IGDCC4: variants seen among roughly 807,000 people sequenced by gnomAD.
IGDCC4 encodes immunoglobulin superfamily DCC subclass member 4, also known as likely ortholog of mouse neighbor of Punc E11.
A neutral mutation model predicts 116.6 loss-of-function variants in IGDCC4; 72 were observed. That is an observed-to-expected ratio of 0.62 (90% CI 0.51 to 0.75). The LOEUF is 0.75. Ranked by LOEUF, IGDCC4 falls within the 30% of genes least tolerant of loss-of-function variation. The probability of loss-of-function intolerance (pLI) is 0.00; values close to 1 mark genes in which losing one functional copy is unlikely to be tolerated. For missense variants in IGDCC4, 1,501 were observed against 1,662.4 expected (o/e 0.90, Z 1.69); for synonymous variants, 709 against 719.9 (o/e 0.98, Z 0.24).
Position 65,395,955 on chromosome 15 carries a change from G to A in IGDCC4, c.1206C>T (p.Tyr402=). 1.3e-6 allele frequency: 2 copies of A among 1,586,278 alleles called. No homozygotes were observed. The highest frequency in any genetic ancestry group is 1.1e-5 in the South Asian group (1 of 88,578). ...CGCTGTTCTCAGCCACGCACTGGTA[G>A]TAGCCGGCGTCCTGCAGGCCGATCT... ...ITQIGLQDAG[Y]YQCVAENSAG... The change falls in exon 7 of 20, where the codon TAC becomes TAT. Residue 402 remains tyrosine, a synonymous_variant. Coordinates refer to ENST00000352385, the MANE Select transcript of IGDCC4 (RefSeq NM_020962.3).
chr15:65,402,218 G>A (rs766790714), intron 4 of IGDCC4, 133 bp downstream of exon 4: 5 of 1,071,008 alleles, frequency 4.7e-6, no homozygotes, highest in African/African-American at 3.2e-5. Flanking sequence ...GGGCTTCATC[G>A]CCTCACCAGT....
Position 65,401,739 on chromosome 15 carries a change from G to A in IGDCC4, c.700+612C>T, listed in dbSNP as rs368823753. ...TCCATTCTTATCTCAAGGACTCTTC[G>A]AGCCTCTCTGAGCTGGGCATTTGAT... On this transcript the variant is annotated intron_variant, in intron 4 of 19. Transcript: ENST00000352385. Among the ~76,000 whole-genome samples the A allele has an allele frequency of 5.3e-5, 8 of 152,156 alleles. No individual in the cohort carries two copies. The East Asian group carries it at 5.8e-4, about 11-fold the overall frequency.
chr15:65,387,372 G>A (rs112480399), intron 16 of IGDCC4, among the ~76,000 whole-genome samples: 2 of 143,384 alleles, frequency 1.4e-5, no homozygotes, highest in South Asian at 2.3e-4. Flanking sequence ...TTTTTGAGAC[G>A]GAGTCTCGCT....
At position 65,400,942 on chromosome 15, in the gene IGDCC4, G is replaced by A. The variant is rs1163480464; in HGVS notation, c.705C>T (p.Ser235=). Reference sequence around the variant, plus strand: ...CGTCCTGCCCCCTGGTGGACGCCAGGGACCCTGGCGAGAAGACAGACCAGC... The same window carrying A: ...CGTCCTGCCCCCTGGTGGACGCCAGAGACCCTGGCGAGAAGACAGACCAGC... The part of the protein sequence containing the change: ...EALLSVAHRG[S]LASTRGQDVV... The change falls in exon 5 of 20, where the codon TCC becomes TCT. Residue 235 remains serine, a synonymous_variant. Transcript: ENST00000352385. The A allele has an allele frequency of 6.2e-7, 1 of 1,613,968 alleles. No individual in the cohort carries two copies. Among genetic ancestry groups the A allele is most frequent in the Non-Finnish European group, 8.5e-7 (1 of 1,180,036 alleles).
intron 1 of IGDCC4, among the ~76,000 whole-genome samples, chr15:65,412,511 CA>C (rs3082805): frequency 0.05 from 823 of 16,600 alleles, 2 homozygotes; most frequent in Admixed American, 0.067. Context: ...GATTCCATCT[CA>C]AAAAAAAAAA....
chr15:65,396,988 G>C lies in IGDCC4; in HGVS notation c.843C>G (p.Asp281Glu). 6.3e-7 allele frequency: 1 copy of C among 1,578,522 alleles called. No homozygotes were observed. The highest frequency in any genetic ancestry group is 1.3e-5 in the African/African-American group (1 of 74,480). ...TGACATCTGTGGAGATGGGCTTCCC[G>C]TCTGGGGAAGGAGAGGGAGACGCGC... ...PTPFVSWVRQ[D>E]GKPISTDVIV... is the part of the protein sequence containing the mutation. The change falls in exon 6 of 20, where the codon GAC becomes GAG. Residue 281 changes from aspartate to glutamate, a missense_variant and splice_region_variant. Physicochemically the swap from Asp to Glu is conservative, Grantham distance 45. Coordinates refer to ENST00000352385, the MANE Select transcript of IGDCC4 (RefSeq NM_020962.3).
intron 7 of IGDCC4, 145 bp downstream of exon 7, chr15:65,395,605 C>T: frequency 1.2e-6 from 1 of 848,144 alleles, no homozygotes; most frequent in Non-Finnish European, 1.7e-6. Flanking sequence ...CATACTTATG[C>T]GGGTCTCTCC....
At position 65,384,498 on chromosome 15, in the gene IGDCC4, GA is replaced by G; in HGVS notation, c.3343-80del. On this transcript the variant is annotated intron_variant, in intron 19 of 19. Coordinates refer to ENST00000352385, the MANE Select transcript of IGDCC4 (RefSeq NM_020962.3). This position sits in a 1 kb window ranked among gnomAD's most constrained non-coding sequence, Gnocchi z 4.9. ...CAGAATGACCAGCGTACGTGGGGCAGAAAGTCTGACCCTCCATCAGAGTAAG... is the reference window on the plus strand; with the variant it reads ...CAGAATGACCAGCGTACGTGGGGCAGAAGTCTGACCCTCCATCAGAGTAAG... 7.2e-7 allele frequency: 1 copy of G among 1,379,766 alleles called. No individual in the cohort carries two copies. Among genetic ancestry groups the G allele is most frequent in the Admixed American group, 2.5e-5 (1 of 40,694 alleles). 85.5% of individuals were successfully genotyped at this position (1,379,766 alleles called of 1,614,324 possible).
At chr15:65,386,740 A>C in intron 16 of IGDCC4, 84 bp from the exon 17 acceptor site, 1 of 992,666 alleles carries the variant, frequency 1.0e-6, no homozygotes, top group Non-Finnish European at 1.5e-6. Context: ...TGGCTTTCTC[A>C]GGAGACACCA....
At chr15:65,405,897 C>T (rs1480332066) in intron 3 of IGDCC4, among the ~76,000 whole-genome samples, 1 of 152,230 alleles carries the variant, frequency 6.6e-6, no homozygotes, top group Non-Finnish European at 1.5e-5. Flanking sequence ...CAAAAGGCCA[C>T]TTGGGCCCCG....
intron 1 of IGDCC4, among the ~76,000 whole-genome samples, chr15:65,418,170 G>GA (rs1482378831): frequency 1.3e-5 from 2 of 152,182 alleles, no homozygotes. Flanking sequence ...AAGACATGTG[G>GA]AAACTGCCTA....
Position 65,382,966 on chromosome 15 carries a change from A to G in IGDCC4, c.*1043T>C, listed in dbSNP as rs2091414936. ...CTATGACTTGGATCCATCCATGGAG[A>G]ACCCTTGGATCCCAATCCCAAAGGC... On this transcript the variant is annotated 3_prime_UTR_variant, in exon 20 of 20. Coordinates refer to ENST00000352385, the MANE Select transcript of IGDCC4 (RefSeq NM_020962.3). The G allele has an allele frequency of 6.6e-6, 1 of 152,334 alleles. No homozygotes were observed. Among genetic ancestry groups the G allele is most frequent in the Non-Finnish European group, 1.5e-5 (1 of 68,068 alleles). 9.4% of individuals were successfully genotyped at this position (152,334 alleles called of 1,614,324 possible).
intron 2 of IGDCC4, 54 bp from the exon 3 acceptor site, chr15:65,410,373 A>T: frequency 6.2e-7 from 1 of 1,603,846 alleles, no homozygotes; most frequent in South Asian, 1.1e-5. Flanking sequence ...GAGAGAAGCC[A>T]CAGCAAGCAC....
At chr15:65,411,468 G>A in intron 1 of IGDCC4, 98 bp from the exon 2 acceptor site, 1 of 998,374 alleles carries the variant, frequency 1.0e-6, no homozygotes, top group Non-Finnish European at 1.4e-6. Context: ...GGCAAATCAA[G>A]GAGAAACACC....
intron 12 of IGDCC4, among the ~76,000 whole-genome samples, chr15:65,391,009 G>C (rs1335278654): frequency 6.6e-6 from 1 of 152,130 alleles, no homozygotes; most frequent in East Asian, 1.9e-4. Flanking sequence ...AAGATGGGTG[G>C]ATCACCTGAG....
At chr15:65,410,348 G>A (rs200783750) in intron 2 of IGDCC4, 29 bp from the exon 3 acceptor site, 11 of 1,613,192 alleles carry the variant, frequency 6.8e-6, no homozygotes, top group Admixed American at 5.0e-5. Flanking sequence ...AGGCAGGGAC[G>A]GGAAAAGAAT....
intron 3 of IGDCC4, among the ~76,000 whole-genome samples, chr15:65,403,361 C>G (rs1043614446): frequency 1.3e-5 from 2 of 152,096 alleles, no homozygotes; most frequent in African/African-American, 4.8e-5. Flanking sequence ...CAGTGGTTGT[C>G]TCTGGGGAGG....
chr15:65,410,836 T>C (rs1276120327), intron 2 of IGDCC4, 184 bp downstream of exon 2: 12 of 594,772 alleles, frequency 2.0e-5, no homozygotes, highest in African/African-American at 1.7e-4. Flanking sequence ...GGGAAGATTA[T>C]GGAATACCCA....
At position 65,393,484 on chromosome 15, in the gene IGDCC4, G is replaced by C; in HGVS notation, c.1762C>G (p.Leu588Val). 6.2e-7 allele frequency: 1 copy of C among 1,611,104 alleles called. No individual in the cohort carries two copies. Reference protein sequence around the residue: ...EVRGNETQLMLNSLQPNKVYR... With the variant: ...EVRGNETQLMVNSLQPNKVYR... ...ACCTTGTTTGGCTGAAGCGAGTTCA[G>C]CATAAGCTGTGTCTCATTTCCTCGC... The change falls in exon 10 of 20, where the codon CTG (leucine) becomes GTG (valine). Residue 588 changes from leucine to valine, a missense_variant. By Grantham distance (32) the Leu-to-Val change is conservative. This residue lies in a region of IGDCC4 where 898 missense variants were observed against 978.9 expected (regional missense o/e 0.92). Transcript: ENST00000352385. This position sits in a 1 kb window ranked among gnomAD's most constrained non-coding sequence, Gnocchi z 4.6.
Sources: gnomAD v4.1 joint callset for allele counts (sites outside exome capture counted in the v4.1 genomes callset) on GRCh38, gnomAD v4.1.1 for gene constraint, gnomAD v4.1.1 regional missense constraint, Gnocchi (gnomAD v3.1) non-coding constraint, MANE v1.5 for transcripts, NCBI Gene and HGNC (gene_info 2026-07-23, HGNC 2026-07-21) for gene names.